Variants in R3HDM4 observed in about 807,000 individuals in gnomAD.
R3HDM4 encodes R3H domain containing 4.
A neutral mutation model predicts 31.3 loss-of-function variants in R3HDM4; 30 were observed. The ratio of observed to expected loss-of-function variants is 0.96; its 90% CI spans 0.72 to 1.30. The LOEUF (loss-of-function observed/expected upper bound fraction) is 1.30. Ranked by LOEUF, R3HDM4 falls within the 50% of genes most tolerant of loss-of-function variation. The probability of loss-of-function intolerance (pLI) is 0.00; values close to 1 mark genes in which losing one functional copy is unlikely to be tolerated. For missense variants in R3HDM4, 444 were observed against 366.1 expected (o/e 1.21, Z -1.74); for synonymous variants, 196 against 156.6 (o/e 1.25, Z -1.88).
rs138018286 is a variant in R3HDM4 at position 908,271 on chromosome 19, A to G, written c.71+4816T>C. On this transcript the variant is annotated intron_variant, in intron 1 of 7. Transcript: ENST00000361574. ...ACAGGGGGGCCTGGGAGTCACCGAC[A>G]CTCCTCTCCAGAAATGGAAGGAACA... Among the ~76,000 whole-genome samples, 17 of 152,000 alleles carry G rather than the reference A, an allele frequency of 1.1e-4. 1 individual carries two copies. The highest frequency in any genetic ancestry group is 4.1e-4 in the African/African-American group (17 of 41,442).
At chr19:902,255 G>T in intron 1 of R3HDM4, 125 bp from the exon 2 acceptor site, 1 of 985,390 alleles carries the variant, frequency 1.0e-6, no homozygotes, top group Non-Finnish European at 1.5e-6. Context: ...TACGGTGTGT[G>T]AAGTCCTGGG....
At chr19:906,685 C>CT (rs1568342749) in intron 1 of R3HDM4, among the ~76,000 whole-genome samples, 1 of 152,146 alleles carries the variant, frequency 6.6e-6, no homozygotes, top group Non-Finnish European at 1.5e-5. Flanking sequence ...TGCCACACTG[C>CT]TTTTGATCGT....
At chr19:903,991 C>A (rs1369472162) in intron 1 of R3HDM4, among the ~76,000 whole-genome samples, 1 of 151,920 alleles carries the variant, frequency 6.6e-6, no homozygotes, top group African/African-American at 2.4e-5. Context: ...GCAGAGCTTG[C>A]AGTGAGCCGA....
At chr19:908,061 G>A (rs149993641) in intron 1 of R3HDM4, among the ~76,000 whole-genome samples, 15,649 of 152,026 alleles carry the variant, frequency 0.1, 1,135 homozygotes, top group Non-Finnish European at 0.15. Flanking sequence ...GAGTGGTGGC[G>A]CACGCCTGTA....
At position 899,956 on chromosome 19, in the gene R3HDM4, T is replaced by A. The variant is rs1424038092; in HGVS notation, c.561+105A>T. Reference sequence around the variant, plus strand: ...TGCCGCTGTCTGTATCCTGCCCTGTTTCCCCTGACACGACCTGCACCGGGT... The same window carrying A: ...TGCCGCTGTCTGTATCCTGCCCTGTATCCCCTGACACGACCTGCACCGGGT... On this transcript the variant is annotated intron_variant, in intron 5 of 7. Transcript: ENST00000361574. The surrounding 1 kb of genome is among the most constrained non-coding windows in gnomAD (Gnocchi z 6.8). 18 of 1,228,018 alleles carry A rather than the reference T, an allele frequency of 1.5e-5. No homozygotes were observed. In the East Asian group the frequency reaches 4.2e-4, roughly 29 times the overall value. 76.1% of individuals were successfully genotyped at this position (1,228,018 alleles called of 1,614,324 possible). A position where few individuals can be genotyped will look rare whatever the true frequency, so the allele number is the denominator to read the frequency against.
In R3HDM4 at chr19:906,869, G is replaced by A. The variant is rs147917888; in HGVS notation, c.72-4739C>T. Among the ~76,000 whole-genome samples the A allele has an allele frequency of 1.3e-3, 204 of 151,932 alleles. 1 individual carries two copies. The highest frequency in any genetic ancestry group is 1.8e-3 in the Non-Finnish European group (123 of 67,942). On this transcript the variant is annotated intron_variant, in intron 1 of 7. Transcript: ENST00000361574. ...CTCACTCTGTTGCCCAGGCTGCAGT[G>A]CAGTTGTGCCATCTCTGCTCACTGC...
rs1275113337 is a variant in R3HDM4 at position 899,758 on chromosome 19, CCAGGAGCCCA to C, written c.562-82_562-73del. The C allele has an allele frequency of 4.7e-6, 6 of 1,270,880 alleles. No individual in the cohort carries two copies. Among genetic ancestry groups the C allele is most frequent in the African/African-American group, 4.5e-5 (3 of 66,420 alleles). The allele number at this position is 1,270,880 out of a possible 1,614,324, so 78.7% of individuals were successfully genotyped here. A position where few individuals can be genotyped will look rare whatever the true frequency, so the allele number is the denominator to read the frequency against. ...GGGGGGCCAGGGAGGTCCAGGGCCC[CCAGGAGCCCA>C]CAGCGCTGGGCTCAAACATGACCTC... On this transcript the variant is annotated intron_variant, in intron 5 of 7. Coordinates refer to ENST00000361574, the MANE Select transcript of R3HDM4 (RefSeq NM_138774.4). The surrounding 1 kb of genome is among the most constrained non-coding windows in gnomAD (Gnocchi z 6.8).
intron 1 of R3HDM4, among the ~76,000 whole-genome samples, chr19:912,061 G>A (rs2036978177): frequency 1.4e-5 from 2 of 141,202 alleles, no homozygotes; most frequent in Non-Finnish European, 1.6e-5. Context: ...CGGGGAGTGG[G>A]GGGGCAGACC....
At chr19:909,090 C>CTT (rs1320372002) in intron 1 of R3HDM4, among the ~76,000 whole-genome samples, 2 of 152,218 alleles carry the variant, frequency 1.3e-5, no homozygotes, top group African/African-American at 4.8e-5. Context: ...GCTTCCTGGA[C>CTT]CCTGAAGGCT....
At chr19:902,931 G>C (rs1314536477) in intron 1 of R3HDM4, among the ~76,000 whole-genome samples, 1 of 152,070 alleles carries the variant, frequency 6.6e-6, no homozygotes, top group South Asian at 2.1e-4. Context: ...GACGGAGTGA[G>C]ACCTTGTCTC....
intron 1 of R3HDM4, among the ~76,000 whole-genome samples, chr19:904,956 C>T (rs891214724): frequency 1.3e-5 from 2 of 152,130 alleles, no homozygotes; most frequent in African/African-American, 2.4e-5. Flanking sequence ...CCTGTGTTCC[C>T]AGCACTTTGG....
Position 900,810 on chromosome 19 carries a change from G to T in R3HDM4, c.475+19C>A. The T allele has an allele frequency of 5.0e-6, 2 of 398,108 alleles. No individual in the cohort carries two copies. Among genetic ancestry groups the T allele is most frequent in the Non-Finnish European group, 4.3e-6 (1 of 231,804 alleles). 24.7% of individuals were successfully genotyped at this position (398,108 alleles called of 1,614,324 possible). Reference sequence around the variant, plus strand: ...CCATACCCTGGCCCCACCCATACCCGCCCCAGCCAGGCCCGCACCTCTCCT... The same window carrying T: ...CCATACCCTGGCCCCACCCATACCCTCCCCAGCCAGGCCCGCACCTCTCCT... On this transcript the variant is annotated intron_variant, in intron 4 of 7. Transcript: ENST00000361574.
rs752712601 is a variant in R3HDM4, at chr19:901,997, T to TCTTCCGCCC, written c.196_204dup (p.Gly66_Lys68dup). The TCTTCCGCCC allele has an allele frequency of 1.9e-6, 3 of 1,613,774 alleles. No homozygotes were observed. The highest frequency in any genetic ancestry group is 2.5e-6 in the Non-Finnish European group (3 of 1,180,008). Reference sequence around the variant, plus strand: ...TCACTGTTCTCCAGGCGCTGGAGGCTCTTCCGCCCCTTGGCCTTGGGCACG... The same window carrying TCTTCCGCCC: ...TCACTGTTCTCCAGGCGCTGGAGGCTCTTCCGCCCCTTCCGCCCCTTGGCCTTGGGCACG... On this transcript the variant is annotated inframe_insertion, in exon 2 of 8. Coordinates refer to ENST00000361574, the MANE Select transcript of R3HDM4 (RefSeq NM_138774.4).
At chr19:911,942 G>C (rs1008745083) in intron 1 of R3HDM4, among the ~76,000 whole-genome samples, 1 of 150,796 alleles carries the variant, frequency 6.6e-6, no homozygotes. Context: ...GGGGCCGGGC[G>C]TGCGGCAGGG....
At position 907,197 on chromosome 19, in the gene R3HDM4, G is replaced by T. The variant is rs1220170447; in HGVS notation, c.72-5067C>A. Among the ~76,000 whole-genome samples, 4 of 152,190 alleles carry T rather than the reference G, an allele frequency of 2.6e-5. No homozygotes were observed. Among genetic ancestry groups the T allele is most frequent in the Non-Finnish European group, 5.9e-5 (4 of 68,030 alleles). ...GCAAAGAGGGCAGCTGGAGAAGGAG[G>T]TGGTGGACCATGCCCTCAGCACAGA... On this transcript the variant is annotated intron_variant, in intron 1 of 7. Transcript: ENST00000361574. This position sits in a 1 kb window ranked among gnomAD's most constrained non-coding sequence, Gnocchi z 4.1.
chr19:897,199 A>G lies in R3HDM4; in HGVS notation c.*238T>C. 1 of 473,568 alleles carries G rather than the reference A, an allele frequency of 2.1e-6. No individual in the cohort carries two copies. The highest frequency in any genetic ancestry group is 3.7e-6 in the Non-Finnish European group (1 of 267,422). The allele number at this position is 473,568 out of a possible 1,614,324, so 29.3% of individuals were successfully genotyped here. A position where few individuals can be genotyped will look rare whatever the true frequency, so the allele number is the denominator to read the frequency against. Reference sequence around the variant, plus strand: ...GAACATGCCCAGGTCAGGTCTCCCCACCCAAACACAAGTCCCGGAGTGGGA... The same window carrying G: ...GAACATGCCCAGGTCAGGTCTCCCCGCCCAAACACAAGTCCCGGAGTGGGA... On this transcript the variant is annotated 3_prime_UTR_variant, in exon 8 of 8. Coordinates refer to ENST00000361574, the MANE Select transcript of R3HDM4 (RefSeq NM_138774.4).
intron 3 of R3HDM4, 46 bp from the exon 4 acceptor site, chr19:900,998 T>C (rs1414830397): frequency 2.0e-6 from 3 of 1,512,252 alleles, no homozygotes; most frequent in Admixed American, 4.3e-5. Context: ...ACACTGGGGC[T>C]GCGCTGACAT....
intron 7 of R3HDM4, 67 bp from the exon 8 acceptor site, chr19:897,607 G>A (rs1444930776): frequency 4.1e-5 from 50 of 1,223,286 alleles, no homozygotes; most frequent in Non-Finnish European, 4.9e-5. Context: ...GAGGTGCCTC[G>A]GACCTGCACC....
chr19:906,767 C>T (rs183463868), intron 1 of R3HDM4, among the ~76,000 whole-genome samples: 1 of 152,092 alleles, frequency 6.6e-6, no homozygotes, highest in Admixed American at 6.6e-5. Context: ...CCCGGGGAGG[C>T]AAGTTCTATT....
Sources: gnomAD v4.1 joint callset for allele counts (sites outside exome capture counted in the v4.1 genomes callset) on GRCh38, gnomAD v4.1.1 for gene constraint, Gnocchi (gnomAD v3.1) non-coding constraint, MANE v1.5 for transcripts, NCBI Gene and HGNC (gene_info 2026-07-23, HGNC 2026-07-21) for gene names.